Variants in SNTB1 observed in about 807,000 individuals in gnomAD.
The protein encoded by SNTB1 is syntrophin beta 1, also known as beta-1-syntrophin.
A neutral mutation model predicts 48.9 loss-of-function variants in SNTB1; 36 were observed. The observed-to-expected ratio is 0.74, with a 90% confidence interval of 0.56 to 0.97. The LOEUF (loss-of-function observed/expected upper bound fraction) is 0.97. SNTB1 is among the 50% of genes least tolerant of loss of function. SNTB1 has a pLI of 0.00. For synonymous variants in SNTB1, 299 were observed against 294.6 expected (o/e 1.01, Z -0.15); for missense variants, 786 against 703.4 (o/e 1.12, Z -1.33).
chr8:120,781,929 T>G (rs1373985934), intron 1 of SNTB1, among the ~76,000 whole-genome samples: 4 of 152,170 alleles, frequency 2.6e-5, no homozygotes, highest in Non-Finnish European at 4.4e-5. Context: ...CCAGGTGTAT[T>G]AGTTTGCTAG....
chr8:120,630,050 AAGAGATG>A (rs2130751172), intron 3 of SNTB1, among the ~76,000 whole-genome samples: 1 of 152,324 alleles, frequency 6.6e-6, no homozygotes, highest in African/African-American at 2.4e-5. Flanking sequence ...CTTGTGATTG[AAGAGATG>A]AGAGAAAAGT....
intron 2 of SNTB1, among the ~76,000 whole-genome samples, chr8:120,675,898 T>A (rs1470797399): frequency 1.3e-5 from 2 of 152,248 alleles, no homozygotes; most frequent in Non-Finnish European, 2.9e-5. Context: ...CTTTGTGCAA[T>A]GGATACTGTG....
chr8:120,726,689 A>T (rs1818760789), intron 1 of SNTB1, among the ~76,000 whole-genome samples: 1 of 152,212 alleles, frequency 6.6e-6, no homozygotes. Context: ...TATTTCTGCT[A>T]GTGCCATAGA....
At chr8:120,809,208 AC>A (rs1820387849) in intron 1 of SNTB1, among the ~76,000 whole-genome samples, 1 of 152,210 alleles carries the variant, frequency 6.6e-6, no homozygotes, top group South Asian at 2.1e-4. Context: ...AGAATAAGAG[AC>A]GCTGTTTTGA....
chr8:120,575,078 A>G lies in SNTB1; in HGVS notation c.1136+8T>C, dbSNP rs755001518. 1.9e-6 allele frequency: 3 copies of G among 1,614,178 alleles called. No homozygotes were observed. Among genetic ancestry groups the G allele is most frequent in the South Asian group, 1.1e-5 (1 of 91,084 alleles). On this transcript the variant is annotated splice_region_variant and intron_variant, in intron 4 of 6. Coordinates refer to ENST00000517992, the MANE Select transcript of SNTB1 (RefSeq NM_021021.4). ...AACACATCATACCAAACACAAGGCC[A>G]TGGCTACCTGGTGGCAAGAAGAGGG...
Position 120,600,266 on chromosome 8 carries a change from G to A in SNTB1, c.997-25041C>T, listed in dbSNP as rs143892957. ...TGCTTTCATGCACTTGGAACACTGC[G>A]CCCCTGGGATCCAGCCACCATGCTG... On this transcript the variant is annotated intron_variant, in intron 3 of 6. Coordinates refer to ENST00000517992, the MANE Select transcript of SNTB1 (RefSeq NM_021021.4). 1.5e-3 allele frequency among the ~76,000 whole-genome samples: 230 copies of A among 152,338 alleles called. 1 individual carries two copies. Among genetic ancestry groups the A allele is most frequent in the African/African-American group, 5.0e-3 (206 of 41,572 alleles).
At chr8:120,804,135 T>C (rs942642568) in intron 1 of SNTB1, among the ~76,000 whole-genome samples, 2 of 152,116 alleles carry the variant, frequency 1.3e-5, no homozygotes, top group African/African-American at 4.8e-5. Flanking sequence ...ATGTGAGTCA[T>C]AAAACGGGCA....
chr8:120,562,258 A>G (rs1343634537), intron 4 of SNTB1, among the ~76,000 whole-genome samples: 2 of 152,204 alleles, frequency 1.3e-5, no homozygotes, highest in African/African-American at 4.8e-5. Flanking sequence ...TATAAAATGG[A>G]AGATACTACC....
chr8:120,811,900 G>A lies in SNTB1; in HGVS notation c.-57C>T. 7.7e-7 allele frequency: 1 copy of A among 1,296,076 alleles called. No individual in the cohort carries two copies. The highest frequency in any genetic ancestry group is 9.8e-7 in the Non-Finnish European group (1 of 1,025,164). 80.3% of individuals were successfully genotyped at this position (1,296,076 alleles called of 1,614,324 possible). On this transcript the variant is annotated 5_prime_UTR_variant, in exon 1 of 7. Coordinates refer to ENST00000517992, the MANE Select transcript of SNTB1 (RefSeq NM_021021.4). ...GGAAAAGGGGGGAAAAGTGGGGAAG[G>A]GTGGCCGGGGGGAGGACGCGGGGCC...
chr8:120,803,736 C>CCTT, intron 1 of SNTB1, among the ~76,000 whole-genome samples: 1 of 152,080 alleles, frequency 6.6e-6, no homozygotes. Flanking sequence ...GCTGTTCTGA[C>CCTT]CAGCTTCACG....
chr8:120,694,599 C>A (rs58306009), intron 1 of SNTB1, among the ~76,000 whole-genome samples: 30,238 of 150,692 alleles, frequency 0.2, 3,445 homozygotes, highest in African/African-American at 0.3. Context: ...TTCTCTCTCT[C>A]TATATATATA....
At chr8:120,653,985 A>G (rs945201154) in intron 2 of SNTB1, among the ~76,000 whole-genome samples, 3 of 133,068 alleles carry the variant, frequency 2.3e-5, no homozygotes, top group Non-Finnish European at 4.6e-5. Flanking sequence ...GCTTGCAGTG[A>G]GCCCAGATGG....
chr8:120,538,492 T>G lies in SNTB1; in HGVS notation c.*385A>C. 1 of 342,546 alleles carries G rather than the reference T, an allele frequency of 2.9e-6. No individual in the cohort carries two copies. The highest frequency in any genetic ancestry group is 6.0e-6 in the Non-Finnish European group (1 of 166,246). 21.2% of individuals were successfully genotyped at this position (342,546 alleles called of 1,614,324 possible). A position where few individuals can be genotyped will look rare whatever the true frequency, so the allele number is the denominator to read the frequency against. On this transcript the variant is annotated 3_prime_UTR_variant, in exon 7 of 7. Transcript: ENST00000517992. Reference sequence around the variant, plus strand: ...AGGAGTAGGTAAGAATGTCCATTTCTCAACTATTCGGCCCTTGCGTACCTG... The same window carrying G: ...AGGAGTAGGTAAGAATGTCCATTTCGCAACTATTCGGCCCTTGCGTACCTG...
chr8:120,539,055 T>C lies in SNTB1; in HGVS notation c.1525-86A>G. ...GATTTGCACATCAAACGAATCTATATGCACTTCCTTCTTTTAAATGTTGAC... is the reference window on the plus strand; with the variant it reads ...GATTTGCACATCAAACGAATCTATACGCACTTCCTTCTTTTAAATGTTGAC... On this transcript the variant is annotated intron_variant, in intron 6 of 6. Transcript: ENST00000517992. The C allele has an allele frequency of 3.2e-6, 3 of 923,938 alleles. No individual in the cohort carries two copies. In the East Asian group the frequency reaches 7.8e-5, roughly 24 times the overall value. 57.2% of individuals were successfully genotyped at this position (923,938 alleles called of 1,614,324 possible).
chr8:120,636,310 T>C (rs1321859835), intron 2 of SNTB1, among the ~76,000 whole-genome samples: 1 of 149,122 alleles, frequency 6.7e-6, no homozygotes, highest in Non-Finnish European at 1.5e-5. Context: ...GTTACATATG[T>C]ATACATGTGC....
intron 3 of SNTB1, among the ~76,000 whole-genome samples, chr8:120,596,053 A>C (rs1321052915): frequency 6.6e-6 from 1 of 152,174 alleles, no homozygotes; most frequent in Non-Finnish European, 1.5e-5. Context: ...ACATACGTTC[A>C]ATGCCCCTGC....
intron 1 of SNTB1, among the ~76,000 whole-genome samples, chr8:120,796,143 C>T (rs1820115612): frequency 6.6e-6 from 1 of 151,946 alleles, no homozygotes; most frequent in Non-Finnish European, 1.5e-5. Flanking sequence ...TGTAGCACCT[C>T]CCCCTTAGCT....
chr8:120,806,359 C>T (rs1820337183), intron 1 of SNTB1, among the ~76,000 whole-genome samples: 1 of 152,200 alleles, frequency 6.6e-6, no homozygotes, highest in South Asian at 2.1e-4. Flanking sequence ...TACTCATCTT[C>T]ATGTGCAGCC....
At chr8:120,583,233 G>A (rs1462817459) in intron 3 of SNTB1, among the ~76,000 whole-genome samples, 1 of 152,166 alleles carries the variant, frequency 6.6e-6, no homozygotes, top group Non-Finnish European at 1.5e-5. Flanking sequence ...GGGGATGGTT[G>A]CTCACGCCTG....
Sources: allele counts gnomAD v4.1 joint callset (sites outside exome capture counted in the v4.1 genomes callset), GRCh38; gene constraint gnomAD v4.1.1; transcripts MANE v1.5; gene names NCBI Gene and HGNC (gene_info 2026-07-23, HGNC 2026-07-21).